Variants in HIPK2 observed in about 807,000 individuals in gnomAD.
HIPK2 encodes homeodomain interacting protein kinase 2.
A neutral mutation model predicts 113.7 loss-of-function variants in HIPK2; 27 were observed. The ratio of observed to expected loss-of-function variants is 0.24; its 90% CI spans 0.17 to 0.33. HIPK2 has a LOEUF of 0.33. HIPK2 is among the 10% of genes least tolerant of loss of function. The pLI is 1.00. For missense variants in HIPK2, 1,257 were observed against 1,588.0 expected (o/e 0.79, Z 3.54); for synonymous variants, 631 against 642.2 (o/e 0.98, Z 0.26).
At chr7:139,705,956 A>G (rs1444167269) in intron 2 of HIPK2, among the ~76,000 whole-genome samples, 1 of 152,180 alleles carries the variant, frequency 6.6e-6, no homozygotes, top group East Asian at 1.9e-4. Flanking sequence ...TTACGTACGA[A>G]GACAAAGTTA....
chr7:139,717,311 C>T (rs191907842), intron 1 of HIPK2, among the ~76,000 whole-genome samples: 1 of 152,178 alleles, frequency 6.6e-6, no homozygotes, highest in Non-Finnish European at 1.5e-5. Context: ...TTTTTGTAAA[C>T]ATTACTTGTG....
intron 13 of HIPK2, among the ~76,000 whole-genome samples, chr7:139,579,970 C>T (rs1474848113): frequency 6.6e-6 from 1 of 152,212 alleles, no homozygotes; most frequent in African/African-American, 2.4e-5. Context: ...TGCGACCCAA[C>T]ACTGTGCCCA....
chr7:139,632,318 A>C (rs1800646832), intron 2 of HIPK2, among the ~76,000 whole-genome samples: 2 of 152,180 alleles, frequency 1.3e-5, no homozygotes, highest in East Asian at 3.8e-4. Context: ...ACCTAACTCG[A>C]GGTATTCTAT....
intron 1 of HIPK2, chr7:139,721,922 C>T: frequency 3.9e-6 from 1 of 256,172 alleles, no homozygotes; most frequent in South Asian, 3.8e-5. Flanking sequence ...AAGATAAAAC[C>T]TGTCAAAATG....
At chr7:139,626,414 C>G (rs1800431948) in intron 6 of HIPK2, among the ~76,000 whole-genome samples, 187 bp downstream of exon 6, 1 of 152,188 alleles carries the variant, frequency 6.6e-6, no homozygotes, top group Non-Finnish European at 1.5e-5. Flanking sequence ...TGCCCACTTT[C>G]ATAAATGTTT....
chr7:139,583,643 T>C (rs917012146), intron 13 of HIPK2, 174 bp downstream of exon 13: 58 of 854,568 alleles, frequency 6.8e-5, no homozygotes, highest in Non-Finnish European at 9.2e-5. Context: ...TACAATGTGC[T>C]GTTCAGCAGA....
chr7:139,710,151 G>A (rs1795019636), intron 2 of HIPK2, among the ~76,000 whole-genome samples: 1 of 151,980 alleles, frequency 6.6e-6, no homozygotes, highest in Non-Finnish European at 1.5e-5. Flanking sequence ...AATTTACAAT[G>A]GCTCCCAGCT....
intron 9 of HIPK2, among the ~76,000 whole-genome samples, chr7:139,609,877 G>A (rs1011995295): frequency 6.6e-6 from 1 of 152,170 alleles, no homozygotes; most frequent in Non-Finnish European, 1.5e-5. Flanking sequence ...GGTCTACCAT[G>A]TTCTTTTAAT....
intron 2 of HIPK2, among the ~76,000 whole-genome samples, chr7:139,653,665 C>T (rs1801545796): frequency 6.6e-6 from 1 of 151,840 alleles, no homozygotes; most frequent in African/African-American, 2.4e-5. Context: ...AGATTTTCCA[C>T]TTGTACAATG....
chr7:139,643,858 G>A (rs1217887689), intron 2 of HIPK2, among the ~76,000 whole-genome samples: 1 of 152,174 alleles, frequency 6.6e-6, no homozygotes, highest in Non-Finnish European at 1.5e-5. Flanking sequence ...TTATACTCCT[G>A]ACACGTGCTG....
intron 2 of HIPK2, among the ~76,000 whole-genome samples, chr7:139,691,841 A>AGCAT (rs1794414488): frequency 6.6e-6 from 1 of 152,260 alleles, no homozygotes; most frequent in Admixed American, 6.5e-5. Flanking sequence ...TGCTCTGTCA[A>AGCAT]GTACAAAATT....
chr7:139,643,794 C>T (rs1454641010), intron 2 of HIPK2, among the ~76,000 whole-genome samples: 1 of 152,236 alleles, frequency 6.6e-6, no homozygotes, highest in Non-Finnish European at 1.5e-5. Context: ...CCAGTTTGGA[C>T]TCCATGATAA....
chr7:139,715,952 G>A lies in HIPK2; in HGVS notation c.1083C>T (p.Tyr361=). ...SHVSKAVCST[Y]LQSRYYRAPE... is the part of the protein sequence containing the mutation. ...CTTACCTGTAATATCTGGACTGCAA[G>A]TAGGTGGAGCACACAGCCTTGGAGA... is the stretch of plus-strand genomic sequence containing the variant. Residue 361 remains tyrosine (Y), a synonymous_variant, in exon 2 of 15, where the codon TAC becomes TAT. Transcript: ENST00000406875. 1 of 1,614,102 alleles carries A rather than the reference G, an allele frequency of 6.2e-7. No homozygotes were observed. Among genetic ancestry groups the A allele is most frequent in the Non-Finnish European group, 8.5e-7 (1 of 1,179,942 alleles).
intron 2 of HIPK2, among the ~76,000 whole-genome samples, chr7:139,715,504 A>T (rs189640697): frequency 9.1e-4 from 139 of 152,352 alleles, no homozygotes; most frequent in African/African-American, 3.3e-3. Context: ...ACCTGGTTCC[A>T]ACCAGGCTTT....
chr7:139,676,865 TC>T (rs1569471927), intron 2 of HIPK2, among the ~76,000 whole-genome samples: 584 of 40,968 alleles, frequency 0.014, 4 homozygotes, highest in African/African-American at 0.028. Context: ...TTTTTCTTTT[TC>T]TTTTTTTTTT....
intron 2 of HIPK2, among the ~76,000 whole-genome samples, chr7:139,660,183 A>G (rs957250669): frequency 6.6e-6 from 1 of 152,234 alleles, no homozygotes; most frequent in Non-Finnish European, 1.5e-5. Context: ...CTCTTGGGAA[A>G]CCACTAAAGG....
At chr7:139,604,059 C>G (rs758579981) in intron 10 of HIPK2, 22 bp downstream of exon 10, 17 of 1,613,492 alleles carry the variant, frequency 1.1e-5, no homozygotes, top group South Asian at 8.8e-5. Context: ...ACCCACTCAC[C>G]CTAGAGGGGT....
intron 1 of HIPK2, among the ~76,000 whole-genome samples, chr7:139,724,048 A>G (rs1195180021): frequency 1.3e-5 from 2 of 151,586 alleles, no homozygotes; most frequent in African/African-American, 4.9e-5. Flanking sequence ...GGAAGGATTA[A>G]TTCTCATATT....
intron 4 of HIPK2, among the ~76,000 whole-genome samples, chr7:139,629,689 T>C (rs75810184): frequency 8.6e-4 from 131 of 152,316 alleles, no homozygotes; most frequent in African/African-American, 3.0e-3. Flanking sequence ...CTGTTTCCAA[T>C]TACTATGGAT....
Sources: allele counts gnomAD v4.1 joint callset (sites outside exome capture counted in the v4.1 genomes callset), GRCh38; gene constraint gnomAD v4.1.1; transcripts MANE v1.5; gene names NCBI Gene and HGNC (gene_info 2026-07-23, HGNC 2026-07-21).